The following ANO10 variants were observed in gnomAD, a reference collection of about 807,000 sequenced individuals.
ANO10 encodes anoctamin 10.
ANO10 carries 77 observed loss-of-function variants against 74.7 expected under a neutral mutation model. The ratio of observed to expected loss-of-function variants is 1.03; its 90% CI spans 0.86 to 1.25. The LOEUF is 1.25. ANO10 is among the 50% of genes most tolerant of loss of function. ANO10 has a pLI of 0.00. For synonymous variants in ANO10, 279 were observed against 284.9 expected (o/e 0.98, Z 0.21); for missense variants, 721 against 778.1 (o/e 0.93, Z 0.87).
intron 9 of ANO10, among the ~76,000 whole-genome samples, chr3:43,558,110 GAAAA>G (rs781606523): frequency 2.7e-4 from 15 of 55,978 alleles, no homozygotes; most frequent in African/African-American, 8.0e-4. Flanking sequence ...TGTCTCACCA[GAAAA>G]AAAAAAAAAA....
intron 4 of ANO10, among the ~76,000 whole-genome samples, chr3:43,598,138 A>G (rs1308820465): frequency 6.6e-6 from 1 of 152,236 alleles, no homozygotes; most frequent in African/African-American, 2.4e-5. Context: ...GCAAAATTCT[A>G]ATTTGCATAC....
At chr3:43,461,204 T>C (rs1420029679) in intron 11 of ANO10, among the ~76,000 whole-genome samples, 6 of 152,276 alleles carry the variant, frequency 3.9e-5, no homozygotes, top group South Asian at 2.1e-4. Context: ...AAATGTTCTA[T>C]AGAAATTAAA....
In ANO10 at chr3:43,509,075, G is replaced by A. The variant is rs141346617; in HGVS notation, c.1797+40645C>T. ...GAATTCATGTCCTTTGTAGGGACAC[G>A]GATGAAGCTGGAAACCATCATTCTG... is the stretch of plus-strand genomic sequence containing the variant. On this transcript the variant is annotated intron_variant, in intron 11 of 12. Coordinates refer to ENST00000292246, the MANE Select transcript of ANO10 (RefSeq NM_018075.5). Among the ~76,000 whole-genome samples the A allele has an allele frequency of 7.8e-4, 118 of 151,754 alleles. 1 individual carries two copies. Among genetic ancestry groups the A allele is most frequent in the African/African-American group, 2.7e-3 (111 of 41,362 alleles).
chr3:43,603,598 G>T (rs2082429686), intron 2 of ANO10, among the ~76,000 whole-genome samples: 1 of 151,946 alleles, frequency 6.6e-6, no homozygotes, highest in Admixed American at 6.6e-5. Context: ...TTTAGTTTTA[G>T]ATTTCTCTTT....
intron 11 of ANO10, among the ~76,000 whole-genome samples, chr3:43,490,768 T>C (rs767815778): frequency 6.6e-6 from 1 of 152,138 alleles, no homozygotes; most frequent in Non-Finnish European, 1.5e-5. Flanking sequence ...TAGTCAGGCA[T>C]GAGGAGGGCA....
intron 1 of ANO10, among the ~76,000 whole-genome samples, chr3:43,682,994 G>A (rs988404906): frequency 6.6e-6 from 1 of 152,094 alleles, no homozygotes; most frequent in African/African-American, 2.4e-5. Flanking sequence ...GGCAAAAACT[G>A]GAAGCATTCC....
intron 1 of ANO10, among the ~76,000 whole-genome samples, chr3:43,677,065 T>C (rs2084132416): frequency 6.6e-6 from 1 of 152,116 alleles, no homozygotes; most frequent in South Asian, 2.1e-4. Flanking sequence ...CTATTCACAA[T>C]AGCAAAGACA....
intron 1 of ANO10, among the ~76,000 whole-genome samples, chr3:43,674,925 A>C (rs1463802834): frequency 1.3e-5 from 2 of 152,176 alleles, no homozygotes; most frequent in East Asian, 1.9e-4. Context: ...AAGGGATTAA[A>C]AGCTGAAAGC....
At chr3:43,577,436 A>G (rs77881760) in intron 5 of ANO10, among the ~76,000 whole-genome samples, 175 bp from the exon 6 acceptor site, 124 of 152,314 alleles carry the variant, frequency 8.1e-4, no homozygotes, top group African/African-American at 2.8e-3. Context: ...GCTTGTCTGC[A>G]TGGCAGGTCC....
intron 11 of ANO10, among the ~76,000 whole-genome samples, chr3:43,457,323 A>G (rs2075173218): frequency 6.6e-6 from 1 of 152,226 alleles, no homozygotes; most frequent in African/African-American, 2.4e-5. Flanking sequence ...CTTCCCTGAG[A>G]CTGGGTAATT....
At chr3:43,425,571 T>C (rs1028949646) in intron 12 of ANO10, among the ~76,000 whole-genome samples, 13 of 151,726 alleles carry the variant, frequency 8.6e-5, no homozygotes, top group Non-Finnish European at 1.6e-4. Context: ...GACAGGGAGG[T>C]TGGCAGGCCT....
intron 11 of ANO10, among the ~76,000 whole-genome samples, chr3:43,484,703 G>A (rs1037614683): frequency 1.3e-5 from 2 of 152,038 alleles, no homozygotes; most frequent in Non-Finnish European, 2.9e-5. Context: ...AAAGGGAGGG[G>A]GTATAACGAG....
intron 12 of ANO10, among the ~76,000 whole-genome samples, chr3:43,417,645 C>A (rs1385700254): frequency 6.6e-6 from 1 of 152,092 alleles, no homozygotes; most frequent in Non-Finnish European, 1.5e-5. Flanking sequence ...AGGTATTTAC[C>A]CCACACAATG....
At chr3:43,560,618 G>C (rs1028473539) in intron 9 of ANO10, among the ~76,000 whole-genome samples, 4 of 152,188 alleles carry the variant, frequency 2.6e-5, no homozygotes, top group Non-Finnish European at 5.9e-5. Context: ...AGTGAATGTA[G>C]TCAGAGCTCA....
intron 1 of ANO10, among the ~76,000 whole-genome samples, chr3:43,659,301 G>C (rs1209617428): frequency 1.3e-5 from 2 of 152,144 alleles, no homozygotes; most frequent in Admixed American, 1.3e-4. Flanking sequence ...CCCTTTCCTA[G>C]CCAAGGGAAG....
At chr3:43,602,517 G>A (rs2082380911) in intron 2 of ANO10, among the ~76,000 whole-genome samples, 1 of 152,090 alleles carries the variant, frequency 6.6e-6, no homozygotes, top group East Asian at 1.9e-4. Context: ...TATATTTTTA[G>A]TAGAGATGGG....
intron 11 of ANO10, among the ~76,000 whole-genome samples, chr3:43,434,691 T>C (rs2093040367): frequency 6.6e-6 from 1 of 152,162 alleles, no homozygotes; most frequent in Non-Finnish European, 1.5e-5. Context: ...TTCCCTTGGA[T>C]GTAAGGCATC....
chr3:43,399,689 A>C (rs1218135641), intron 12 of ANO10, among the ~76,000 whole-genome samples: 2 of 152,138 alleles, frequency 1.3e-5, no homozygotes, highest in Non-Finnish European at 2.9e-5. Context: ...TATAACAGTC[A>C]ATGTTTGTAT....
chr3:43,624,158 C>T (rs1456607652), upstream of ANO10, among the ~76,000 whole-genome samples: 2 of 152,168 alleles, frequency 1.3e-5, no homozygotes, highest in East Asian at 3.8e-4. Context: ...GAGTTAATGA[C>T]ATAGATCCCT....
Sources: allele counts gnomAD v4.1 joint callset (sites outside exome capture counted in the v4.1 genomes callset), GRCh38; gene constraint gnomAD v4.1.1; transcripts MANE v1.5; gene names NCBI Gene and HGNC (gene_info 2026-07-23, HGNC 2026-07-21).